The following SNX14 variants were observed in gnomAD, a reference collection of about 807,000 sequenced individuals.
The protein encoded by SNX14 is sorting nexin-14.
In SNX14, 93 loss-of-function variants were observed where a neutral mutation model predicts 133.8. That is an observed-to-expected ratio of 0.70 (90% confidence interval 0.59 to 0.83). SNX14 has a LOEUF of 0.83. SNX14 is among the 40% of genes least tolerant of loss of function. The probability of loss-of-function intolerance (pLI) is 0.00; values close to 1 mark genes in which losing one functional copy is unlikely to be tolerated. For missense variants in SNX14, 945 were observed against 1,094.9 expected, an observed-to-expected ratio of 0.86 and a Z score of 1.93; for synonymous variants, 368 against 365.6, an observed-to-expected ratio of 1.01 and a Z score of -0.07.
intron 6 of SNX14, among the ~76,000 whole-genome samples, chr6:85,564,296 ATGGC>A (rs765673902): frequency 7.2e-5 from 11 of 152,192 alleles, no homozygotes; most frequent in Non-Finnish European, 1.6e-4. Context: ...CAGTAATGGG[ATGGC>A]TGGGTCAAAT....
chr6:85,571,905 G>A (rs1391066045), intron 4 of SNX14, among the ~76,000 whole-genome samples: 4 of 152,014 alleles, frequency 2.6e-5, no homozygotes, highest in African/African-American at 4.8e-5. Flanking sequence ...TGACTGTTTC[G>A]GGTAAACCAG....
chr6:85,546,000 C>CA (rs1306402687), intron 12 of SNX14, among the ~76,000 whole-genome samples: 1 of 152,052 alleles, frequency 6.6e-6, no homozygotes, highest in Non-Finnish European at 1.5e-5. Flanking sequence ...CTTATTTAGA[C>CA]AAAAACATAC....
intron 1 of SNX14, among the ~76,000 whole-genome samples, chr6:85,580,658 T>A (rs568271271): frequency 1.3e-5 from 2 of 152,208 alleles, no homozygotes; most frequent in South Asian, 4.1e-4. Flanking sequence ...ACAAGCTGAC[T>A]AAGGAGGCCT....
intron 1 of SNX14, among the ~76,000 whole-genome samples, chr6:85,588,373 A>C (rs909008499): frequency 2.6e-5 from 4 of 152,098 alleles, no homozygotes; most frequent in Non-Finnish European, 5.9e-5. Flanking sequence ...GGAGACCGAG[A>C]CCATCCTGAC....
chr6:85,579,797 C>T (rs1054805830), intron 1 of SNX14, among the ~76,000 whole-genome samples: 1 of 152,200 alleles, frequency 6.6e-6, no homozygotes, highest in Non-Finnish European at 1.5e-5. Flanking sequence ...CTTAAATAAA[C>T]TTGAAAGGTC....
chr6:85,529,821 C>A (rs1168930944), intron 19 of SNX14, among the ~76,000 whole-genome samples: 18 of 149,354 alleles, frequency 1.2e-4, no homozygotes, highest in African/African-American at 4.2e-4. Context: ...AAGCTAAATA[C>A]AAAAAAAAAT....
At chr6:85,506,507 A>AG (rs1218620363) in intron 28 of SNX14, among the ~76,000 whole-genome samples, 2 of 152,098 alleles carry the variant, frequency 1.3e-5, no homozygotes, top group Non-Finnish European at 2.9e-5. Flanking sequence ...TAGTAGAGAC[A>AG]GGGTTTCACC....
Position 85,593,640 on chromosome 6 carries a change from G to C in SNX14, c.79C>G (p.Gln27Glu). The change falls in exon 1 of 29, where the codon CAG becomes GAG. Residue 27 changes from glutamine (Q) to glutamate (E), a missense_variant. By Grantham distance (29) the Gln-to-Glu change is conservative. Around this residue, in one of 3 missense-constraint regions of SNX14, gnomAD observed 514 missense variants for 538.8 expected, o/e 0.95. Transcript: ENST00000314673. ...AGCAGGAAGCAGAACAGCGGGTACTGGCGGCAGATCTCGCGTCCCACGTCC... is the reference window on the plus strand; with the variant it reads ...AGCAGGAAGCAGAACAGCGGGTACTCGCGGCAGATCTCGCGTCCCACGTCC... The part of the protein sequence containing the change: ...RLDVGREICR[Q>E]YPLFCFLLLC... 1 of 1,612,896 alleles carries C rather than the reference G, an allele frequency of 6.2e-7. No homozygotes were observed. The highest frequency in any genetic ancestry group is 2.2e-5 in the East Asian group (1 of 44,862).
chr6:85,537,429 G>A (rs1782295968), intron 16 of SNX14, among the ~76,000 whole-genome samples: 2 of 152,106 alleles, frequency 1.3e-5, no homozygotes, highest in South Asian at 2.1e-4. Context: ...GTGCCAAAGG[G>A]AAAGGTTAGC....
chr6:85,582,186 T>C (rs1280176197), intron 1 of SNX14, among the ~76,000 whole-genome samples: 6 of 152,068 alleles, frequency 3.9e-5, no homozygotes, highest in African/African-American at 9.7e-5. Context: ...AGGAGAGACA[T>C]AGGATATAAA....
chr6:85,506,738 TCAAAAAATAAGA>T (rs1770855756), intron 28 of SNX14, among the ~76,000 whole-genome samples: 2 of 152,316 alleles, frequency 1.3e-5, no homozygotes, highest in South Asian at 4.1e-4. Context: ...AAAGGATTAG[TCAAAAAATAAGA>T]CAGAAAATAA....
At chr6:85,568,004 C>T (rs1029452340) in intron 4 of SNX14, 5 of 152,204 alleles carry the variant, frequency 3.3e-5, no homozygotes, top group African/African-American at 1.2e-4. Context: ...AAACAAATAA[C>T]GACAGTAATA....
In SNX14 at chr6:85,593,680, C is replaced by G; in HGVS notation, c.39G>C (p.Lys13Asn). Residue 13 changes from lysine to asparagine, a missense_variant, in exon 1 of 29, where the codon AAG (lysine) becomes AAC (asparagine). Around this residue, in one of 3 missense-constraint regions of SNX14, gnomAD observed 514 missense variants for 538.8 expected, o/e 0.95. Coordinates refer to ENST00000314673, the MANE Select transcript of SNX14 (RefSeq NM_153816.6). Reference protein sequence around the residue: ...PWVRTMGQKLKQRLRLDVGRE... With the variant: ...PWVRTMGQKLNQRLRLDVGRE... ...GTCCCACGTCCAGTCGCAGCCGCTG[C>G]TTCAGCTTCTGCCCCATCGTCCGCA... 6.2e-7 allele frequency: 1 copy of G among 1,613,632 alleles called. No individual in the cohort carries two copies. Among genetic ancestry groups the G allele is most frequent in the South Asian group, 1.1e-5 (1 of 91,070 alleles).
At chr6:85,565,668 C>A (rs370602288) in intron 5 of SNX14, among the ~76,000 whole-genome samples, 7 of 152,124 alleles carry the variant, frequency 4.6e-5, no homozygotes, top group Non-Finnish European at 1.0e-4. Flanking sequence ...CAGACATACA[C>A]GACTACAGTC....
At chr6:85,568,415 C>G (rs977722527) in intron 4 of SNX14, 1 of 152,182 alleles carries the variant, frequency 6.6e-6, no homozygotes, top group Non-Finnish European at 1.5e-5. Context: ...TCTGGGATGC[C>G]GGTAACGTTT....
intron 1 of SNX14, among the ~76,000 whole-genome samples, chr6:85,575,392 T>C (rs1583056223): frequency 1.3e-5 from 2 of 152,316 alleles, no homozygotes; most frequent in East Asian, 3.9e-4. Flanking sequence ...AAATAACAGA[T>C]GTGCATCATG....
At chr6:85,542,258 C>T (rs1277812686) in intron 14 of SNX14, among the ~76,000 whole-genome samples, 4 of 152,164 alleles carry the variant, frequency 2.6e-5, no homozygotes, top group East Asian at 3.8e-4. Flanking sequence ...GAGATTTCTG[C>T]GTCACTGCAG....
At chr6:85,520,252 AG>A in intron 21 of SNX14, among the ~76,000 whole-genome samples, 1 of 151,854 alleles carries the variant, frequency 6.6e-6, no homozygotes, top group African/African-American at 2.4e-5. Context: ...CATGTTGGCC[AG>A]GCTGGTCTTG....
intron 12 of SNX14, 114 bp from the exon 13 acceptor site, chr6:85,543,874 TAATTC>T: frequency 2.0e-6 from 1 of 503,564 alleles, no homozygotes; most frequent in South Asian, 8.9e-5. Flanking sequence ...AGAAGCAATC[TAATTC>T]ATCTAAGTTT....
Sources: allele counts gnomAD v4.1 joint callset (sites outside exome capture counted in the v4.1 genomes callset), GRCh38; gene constraint gnomAD v4.1.1; regional missense constraint gnomAD v4.1.1; transcripts MANE v1.5; gene names NCBI Gene and HGNC (gene_info 2026-07-23, HGNC 2026-07-21).